Variants in PLEKHG4 observed in about 807,000 individuals in gnomAD.
PLEKHG4 encodes pleckstrin homology and RhoGEF domain containing G4.
In PLEKHG4, 85 loss-of-function variants were observed where a neutral mutation model predicts 136.9. That is an observed-to-expected ratio of 0.62 (90% CI 0.52 to 0.74). The LOEUF (loss-of-function observed/expected upper bound fraction) is 0.74, where lower values mean the gene tolerates loss of function less well. Among genes scored for constraint, PLEKHG4 ranks in the 30% least tolerant of loss-of-function variants. The probability of loss-of-function intolerance (pLI) is 0.00; values close to 1 mark genes in which losing one functional copy is unlikely to be tolerated. For synonymous variants in PLEKHG4, 577 were observed against 646.9 expected, an observed-to-expected ratio of 0.89 and a Z score of 1.64; for missense variants, 1,317 against 1,527.8, an observed-to-expected ratio of 0.86 and a Z score of 2.30.
Position 67,288,011 on chromosome 16 carries a change from C to T in PLEKHG4, c.3217C>T (p.Arg1073Ter), listed in dbSNP as rs775158934. The T allele has an allele frequency of 3.1e-6, 5 of 1,607,376 alleles. No homozygotes were observed. The highest frequency in any genetic ancestry group is 2.2e-5 in the East Asian group (1 of 44,836). Reference sequence around the variant, plus strand: ...CACCGTCAACTATGTCCTGAAGTGCCGAGGTAGCAGGCAGGCTACAGGGTG... The same window carrying T: ...CACCGTCAACTATGTCCTGAAGTGCTGAGGTAGCAGGCAGGCTACAGGGTG... ...DRTVNYVLKC[R>*]EVRSRASIAV... The change falls in exon 19 of 22, where the codon CGA becomes TGA. Residue 1073 changes from arginine (R) to a stop codon, truncating the protein, a stop_gained. Coordinates refer to ENST00000379344, the MANE Select transcript of PLEKHG4 (RefSeq NM_001129729.3). LOFTEE classifies it high-confidence loss of function.
At chr16:67,288,751 C>G (rs532989621) in intron 21 of PLEKHG4, 52 bp from the exon 22 acceptor site, 54 of 1,612,008 alleles carry the variant, frequency 3.3e-5, no homozygotes, top group Middle Eastern at 1.7e-4. Context: ...CCAGACACCT[C>G]CTGGGTCCAG....
Position 67,287,095 on chromosome 16 carries a change from G to T in PLEKHG4, c.3021G>T (p.Leu1007=). The T allele has an allele frequency of 6.2e-7, 1 of 1,612,926 alleles. No homozygotes were observed. The highest frequency in any genetic ancestry group is 8.5e-7 in the Non-Finnish European group (1 of 1,180,026). The change falls in exon 18 of 22, where the codon CTG becomes CTT. Residue 1007 remains leucine, a synonymous_variant. Coordinates refer to ENST00000379344, the MANE Select transcript of PLEKHG4 (RefSeq NM_001129729.3). The part of the protein sequence containing the change: ...RRRKARDTFV[L]QASSLAIKQA... ...GCAAGGCCAGGGACACCTTTGTGCT[G>T]CAGGCCTCCAGCCTGGCTATCAAGC...
rs775172213 is a variant in PLEKHG4, at chr16:67,286,805, T to C, written c.2811T>C (p.Thr937=). The part of the protein sequence containing the change: ...LVRQDEFVVR[T]GRHKSVRRIF... ...GACAGGATGAGTTTGTGGTGCGCACTGGGCGCCACAAGTCCGTGCGCCGCA... is the reference window on the plus strand; with the variant it reads ...GACAGGATGAGTTTGTGGTGCGCACCGGGCGCCACAAGTCCGTGCGCCGCA... The change falls in exon 17 of 22, where the codon ACT becomes ACC. Residue 937 remains threonine (T), a synonymous_variant. Coordinates refer to ENST00000379344, the MANE Select transcript of PLEKHG4 (RefSeq NM_001129729.3). 11 of 1,613,720 alleles carry C rather than the reference T, an allele frequency of 6.8e-6. No individual in the cohort carries two copies. In the East Asian group the frequency reaches 1.3e-4, roughly 20 times the overall value.
rs1470208391 is a variant in PLEKHG4, at chr16:67,281,628, TG to T, written c.876del (p.Pro293LeufsTer15). 3 of 1,614,054 alleles carry T rather than the reference TG, an allele frequency of 1.9e-6. No homozygotes were observed. Among genetic ancestry groups the T allele is most frequent in the Non-Finnish European group, 2.5e-6 (3 of 1,179,986 alleles). ...GTGGGAAGCACGCTGCTGAAGGAAG[TG>T]CCTTCCGGGCTGCAGGTACTAAGCC... is the stretch of plus-strand genomic sequence containing the variant. ...LLVGSTLLKE[V>X]PSGLQLEQLP... is the part of the protein sequence containing the mutation. On this transcript the variant is annotated frameshift_variant, in exon 6 of 22. Coordinates refer to ENST00000379344, the MANE Select transcript of PLEKHG4 (RefSeq NM_001129729.3). LOFTEE classifies it high-confidence loss of function.
chr16:67,286,148 T>C, intron 14 of PLEKHG4, 126 bp from the exon 15 acceptor site: 2 of 746,660 alleles, frequency 2.7e-6, no homozygotes, highest in East Asian at 2.5e-5. Flanking sequence ...ACTGGGTCTG[T>C]AGGGGAGGCC....
rs370234459 is a variant in PLEKHG4, at chr16:67,282,163, C to T, written c.1105-38C>T. The T allele has an allele frequency of 4.3e-6, 7 of 1,613,442 alleles. No individual in the cohort carries two copies. The African/African-American group carries it at 8.0e-5, about 18-fold the overall frequency. On this transcript the variant is annotated intron_variant, in intron 8 of 21. Coordinates refer to ENST00000379344, the MANE Select transcript of PLEKHG4 (RefSeq NM_001129729.3). ...TGCTCCCTGTCTCCCTCCTTCTCTC[C>T]CATGGCCACCTCCACAGCTTATTGC...
rs769104412 is a variant in PLEKHG4 at position 67,284,694 on chromosome 16, T to G, written c.1693-19T>G. 1.9e-6 allele frequency: 3 copies of G among 1,612,580 alleles called. No homozygotes were observed. The highest frequency in any genetic ancestry group is 2.2e-5 in the South Asian group (2 of 90,902). On this transcript the variant is annotated intron_variant, in intron 12 of 21. Coordinates refer to ENST00000379344, the MANE Select transcript of PLEKHG4 (RefSeq NM_001129729.3). This position sits in a 1 kb window ranked among gnomAD's most constrained non-coding sequence, Gnocchi z 4.4. Reference sequence around the variant, plus strand: ...TGGCAGGATCTTCCTCTAATGCTTGTCCGGCCCTGGTGTTGCAGGCCTTGA... The same window carrying G: ...TGGCAGGATCTTCCTCTAATGCTTGGCCGGCCCTGGTGTTGCAGGCCTTGA...
Position 67,280,110 on chromosome 16 carries a change from A to C in PLEKHG4, c.66A>C (p.Arg22Ser). Reference protein sequence around the residue: ...PDSQGHATDWRFAVCSFRDAW... With the variant: ...PDSQGHATDWSFAVCSFRDAW... ...CTCAGGGCCATGCCACCGACTGGAG[A>C]TTTGCTGTGTGCAGTTTCAGGGATG... is the stretch of plus-strand genomic sequence containing the variant. The change falls in exon 2 of 22, where the codon AGA becomes AGC. Residue 22 changes from arginine (R) to serine (S), a missense_variant. Coordinates refer to ENST00000379344, the MANE Select transcript of PLEKHG4 (RefSeq NM_001129729.3). This position sits in a 1 kb window ranked among gnomAD's most constrained non-coding sequence, Gnocchi z 4.4. The C allele has an allele frequency of 6.2e-7, 1 of 1,613,822 alleles. No homozygotes were observed. The highest frequency in any genetic ancestry group is 8.5e-7 in the Non-Finnish European group (1 of 1,179,940).
intron 21 of PLEKHG4, 57 bp from the exon 22 acceptor site, chr16:67,288,746 C>T: frequency 1.9e-6 from 3 of 1,610,400 alleles, no homozygotes; most frequent in South Asian, 2.2e-5. Context: ...ATTCCCCAGA[C>T]ACCTCCTGGG....
At chr16:67,285,253 A>G (rs774022945) in intron 13 of PLEKHG4, 37 bp from the exon 14 acceptor site, 4 of 1,613,702 alleles carry the variant, frequency 2.5e-6, no homozygotes, top group Non-Finnish European at 3.4e-6. Flanking sequence ...GCAGTAAAGG[A>G]GAGATGTCTT....
At chr16:67,286,965 T>C in intron 17 of PLEKHG4, 35 bp from the exon 18 acceptor site, 1 of 1,612,518 alleles carries the variant, frequency 6.2e-7, no homozygotes, top group Non-Finnish European at 8.5e-7. Context: ...TCCCGCCCCA[T>C]GCCTTACCAA....
chr16:67,280,445 G>A lies in PLEKHG4; in HGVS notation c.401G>A (p.Ser134Asn). The stretch of plus-strand genomic sequence containing the variant: ...GGGTTGGTAGGGGACCCAGGTCCAA[G>A]CAGGGCGATGCCATCTGGCTTGAGC... Reference protein sequence around the residue: ...GVGLVGDPGPSRAMPSGLSPG... With the variant: ...GVGLVGDPGPNRAMPSGLSPG... Residue 134 changes from serine (S) to asparagine (N), a missense_variant, in exon 2 of 22, where the codon AGC (serine) becomes AAC (asparagine). Physicochemically the swap from Ser to Asn is conservative, Grantham distance 46. Coordinates refer to ENST00000379344, the MANE Select transcript of PLEKHG4 (RefSeq NM_001129729.3). The surrounding 1 kb of genome is among the most constrained non-coding windows in gnomAD (Gnocchi z 4.4). 5 of 1,599,942 alleles carry A rather than the reference G, an allele frequency of 3.1e-6. No individual in the cohort carries two copies. The highest frequency in any genetic ancestry group is 3.3e-4 in the Middle Eastern group (2 of 5,984).
rs1349698353 is a variant in PLEKHG4, at chr16:67,281,175, C to T, written c.804C>T (p.Ser268=). 3 of 1,610,540 alleles carry T rather than the reference C, an allele frequency of 1.9e-6. No homozygotes were observed. The highest frequency in any genetic ancestry group is 1.7e-6 in the Non-Finnish European group (2 of 1,176,846). ...APSSSLFSGL[S]QLQEAAPGAV... ...GTTCTTCCCTCTTCTCTGGGCTCAG[C>T]CAACTACAAGTGAGTACAGGATTGT... is the stretch of plus-strand genomic sequence containing the variant. The change falls in exon 5 of 22, where the codon AGC becomes AGT. Residue 268 remains serine (S), a synonymous_variant. Transcript: ENST00000379344.
chr16:67,282,594 C>T lies in PLEKHG4; in HGVS notation c.1345C>T (p.Leu449=). 1 of 1,614,088 alleles carries T rather than the reference C, an allele frequency of 6.2e-7. No homozygotes were observed. Among genetic ancestry groups the T allele is most frequent in the South Asian group, 1.1e-5 (1 of 91,090 alleles). ...TLQSNQRIQA[L]ELVQTLEARE... ...GCAGAGCAACCAGCGAATACAGGCCCTAGAGTTGGTCCAAACACTGGAGGC... is the reference window on the plus strand; with the variant it reads ...GCAGAGCAACCAGCGAATACAGGCCTTAGAGTTGGTCCAAACACTGGAGGC... The change falls in exon 10 of 22, where the codon CTA becomes TTA. Residue 449 remains leucine (L), a synonymous_variant. Transcript: ENST00000379344.
In PLEKHG4 at chr16:67,282,591, G is replaced by T; in HGVS notation, c.1342G>T (p.Ala448Ser). Residue 448 changes from alanine to serine, a missense_variant, in exon 10 of 22, where the codon GCC (alanine) becomes TCC (serine). Ala to Ser is a moderately conservative substitution (Grantham distance 99). Coordinates refer to ENST00000379344, the MANE Select transcript of PLEKHG4 (RefSeq NM_001129729.3). ...CCTGCAGAGCAACCAGCGAATACAGGCCCTAGAGTTGGTCCAAACACTGGA... is the reference window on the plus strand; with the variant it reads ...CCTGCAGAGCAACCAGCGAATACAGTCCCTAGAGTTGGTCCAAACACTGGA... ...LTLQSNQRIQ[A>S]LELVQTLEAR... 2 of 1,614,058 alleles carry T rather than the reference G, an allele frequency of 1.2e-6. No homozygotes were observed. The highest frequency in any genetic ancestry group is 1.7e-6 in the Non-Finnish European group (2 of 1,180,044).
intron 11 of PLEKHG4, among the ~76,000 whole-genome samples, 197 bp downstream of exon 11, chr16:67,283,055 G>T (rs2036305839): frequency 6.6e-6 from 1 of 152,136 alleles, no homozygotes; most frequent in Admixed American, 6.6e-5. Flanking sequence ...ATCAGTGCAG[G>T]TGATTCTGCC....
upstream of PLEKHG4, chr16:67,279,267 G>T: frequency 6.6e-6 from 1 of 152,474 alleles, no homozygotes; most frequent in South Asian, 1.9e-4. Context: ...CACGCACTGC[G>T]ACGCCGCGGG....
intron 5 of PLEKHG4, 128 bp downstream of exon 5, chr16:67,281,312 C>A: frequency 1.3e-6 from 1 of 773,228 alleles, no homozygotes; most frequent in Non-Finnish European, 2.2e-6. Flanking sequence ...CAAACTCTAT[C>A]TCCCCGATTC....
chr16:67,284,442 T>C lies in PLEKHG4; in HGVS notation c.1677T>C (p.Phe559=), dbSNP rs1444554814. The C allele has an allele frequency of 1.2e-5, 20 of 1,613,900 alleles. No individual in the cohort carries two copies. The highest frequency in any genetic ancestry group is 1.7e-5 in the Non-Finnish European group (20 of 1,179,970). The part of the protein sequence containing the change: ...CQRLADAERL[F]QLFREALTWA... ...GGCTGGCGGATGCTGAGAGGCTGTT[T>C]CAGCTCTTCAGGGAGGTGGGTGAGA... is the stretch of plus-strand genomic sequence containing the variant. Residue 559 remains phenylalanine, a synonymous_variant, in exon 12 of 22, where the codon TTT becomes TTC. Transcript: ENST00000379344. The surrounding 1 kb of genome is among the most constrained non-coding windows in gnomAD (Gnocchi z 4.4).
Sources: allele counts gnomAD v4.1 joint callset (sites outside exome capture counted in the v4.1 genomes callset), GRCh38; gene constraint gnomAD v4.1.1; non-coding constraint Gnocchi (gnomAD v3.1); transcripts MANE v1.5; gene names NCBI Gene and HGNC (gene_info 2026-07-23, HGNC 2026-07-21).